HECTD2: variants seen among roughly 807,000 people sequenced by gnomAD.
HECTD2 encodes probable E3 ubiquitin-protein ligase HECTD2.
In HECTD2, 35 loss-of-function variants were observed where a neutral mutation model predicts 103.2. That is an observed-to-expected ratio of 0.34 (90% CI 0.26 to 0.45). HECTD2 has a LOEUF of 0.45. HECTD2 is among the 20% of genes least tolerant of loss of function. HECTD2 has a pLI of 1.00. For missense variants in HECTD2, 596 were observed against 937.4 expected (o/e 0.64, Z 4.76); for synonymous variants, 281 against 329.9 (o/e 0.85, Z 1.61).
Position 91,410,527 on chromosome 10 carries a change from A to G in HECTD2, c.89A>G (p.Glu30Gly). 6.8e-7 allele frequency: 1 copy of G among 1,472,548 alleles called. No individual in the cohort carries two copies. Among genetic ancestry groups the G allele is most frequent in the Non-Finnish European group, 9.0e-7 (1 of 1,115,076 alleles). The allele number at this position is 1,472,548 out of a possible 1,614,324, so 91.2% of individuals were successfully genotyped here. The stretch of plus-strand genomic sequence containing the variant: ...GAGGAGAGGAAAGGGAAGGAGTCAG[A>G]GCGCGAGAAGCTGCCGCCCATCGTA... ...APEERKGKESEREKLPPIVSA... is the reference protein window; with the variant it reads ...APEERKGKESGREKLPPIVSA... The change falls in exon 1 of 21, where the codon GAG becomes GGG. Residue 30 changes from glutamate (E) to glycine (G), a missense_variant. Around this residue, in one of 4 missense-constraint regions of HECTD2, gnomAD observed 220 missense variants for 233.9 expected, o/e 0.94. Coordinates refer to ENST00000298068, the MANE Select transcript of HECTD2 (RefSeq NM_182765.6).
At chr10:91,510,795 G>A (rs1847392069) in intron 20 of HECTD2, among the ~76,000 whole-genome samples, 1 of 152,056 alleles carries the variant, frequency 6.6e-6, no homozygotes, top group South Asian at 2.1e-4. Flanking sequence ...TGTATGTCTG[G>A]TGCGTAAAAA....
intron 14 of HECTD2, among the ~76,000 whole-genome samples, chr10:91,495,305 G>A (rs1464087325): frequency 6.6e-6 from 1 of 151,994 alleles, no homozygotes; most frequent in Non-Finnish European, 1.5e-5. Context: ...GACCAAAGAT[G>A]TGTTGTTCTA....
intron 20 of HECTD2, among the ~76,000 whole-genome samples, chr10:91,511,285 ATAG>A (rs1251961497): frequency 6.6e-6 from 1 of 152,176 alleles, no homozygotes; most frequent in Admixed American, 6.5e-5. Flanking sequence ...ACACTATCAG[ATAG>A]TAGGTGGGGG....
At chr10:91,496,998 C>T (rs1846692551) in intron 15 of HECTD2, among the ~76,000 whole-genome samples, 1 of 150,080 alleles carries the variant, frequency 6.7e-6, no homozygotes, top group Non-Finnish European at 1.5e-5. Context: ...CTCACTCTGT[C>T]ACCCAGGCTG....
chr10:91,503,392 G>C (rs1369695816), intron 20 of HECTD2, among the ~76,000 whole-genome samples: 1 of 152,206 alleles, frequency 6.6e-6, no homozygotes, highest in Non-Finnish European at 1.5e-5. Context: ...GGGAGTGCCA[G>C]ACAGTGGGCG....
intron 3 of HECTD2, 78 bp from the exon 4 acceptor site, chr10:91,461,176 G>A: frequency 1.6e-6 from 1 of 638,318 alleles, no homozygotes; most frequent in Non-Finnish European, 2.7e-6. Context: ...TTGCATGTTT[G>A]GTGACATTAA....
Position 91,512,472 on chromosome 10 carries a change from A to G in HECTD2, c.*88A>G, listed in dbSNP as rs1171998171. ...AGCCTTTTCATGTTTCTGTCTCAAA[A>G]CACTTTGACAAAGCTCACCAACTTT... On this transcript the variant is annotated 3_prime_UTR_variant, in exon 21 of 21. Coordinates refer to ENST00000298068, the MANE Select transcript of HECTD2 (RefSeq NM_182765.6). 2.5e-6 allele frequency: 3 copies of G among 1,202,968 alleles called. No individual in the cohort carries two copies. The highest frequency in any genetic ancestry group is 3.5e-6 in the Non-Finnish European group (3 of 862,158). The allele number at this position is 1,202,968 out of a possible 1,614,324, so 74.5% of individuals were successfully genotyped here. A position where few individuals can be genotyped will look rare whatever the true frequency, so the allele number is the denominator to read the frequency against.
intron 5 of HECTD2, among the ~76,000 whole-genome samples, chr10:91,466,212 AGTT>A (rs1172908084): frequency 6.6e-6 from 1 of 152,124 alleles, no homozygotes; most frequent in Non-Finnish European, 1.5e-5. Context: ...GTGAGCATAG[AGTT>A]GTTCATAATA....
chr10:91,456,866 A>G (rs1344363472), intron 2 of HECTD2, among the ~76,000 whole-genome samples: 1 of 152,138 alleles, frequency 6.6e-6, no homozygotes, highest in Non-Finnish European at 1.5e-5. Context: ...AGTGAAACTG[A>G]AAACAGAAAA....
intron 15 of HECTD2, among the ~76,000 whole-genome samples, 162 bp downstream of exon 15, chr10:91,496,534 C>T (rs1274511092): frequency 6.6e-6 from 1 of 152,256 alleles, no homozygotes; most frequent in Non-Finnish European, 1.5e-5. Flanking sequence ...TCCTTAGAGA[C>T]ACATGTCACC....
intron 1 of HECTD2, among the ~76,000 whole-genome samples, chr10:91,411,708 C>G (rs1842922333): frequency 6.6e-6 from 1 of 152,136 alleles, no homozygotes; most frequent in Non-Finnish European, 1.5e-5. Context: ...AAATTGCGAA[C>G]AGTAATGATA....
intron 8 of HECTD2, 53 bp downstream of exon 8, chr10:91,483,129 G>T (rs1846152861): frequency 2.8e-6 from 2 of 723,498 alleles, no homozygotes; most frequent in East Asian, 2.7e-5. Context: ...TTTTAAGTTT[G>T]GTATTAGTAA....
At chr10:91,508,527 T>C (rs1847285652) in intron 20 of HECTD2, among the ~76,000 whole-genome samples, 1 of 151,022 alleles carries the variant, frequency 6.6e-6, no homozygotes, top group Non-Finnish European at 1.5e-5. Context: ...GAAAAAATGC[T>C]CACCATCACT....
intron 2 of HECTD2, among the ~76,000 whole-genome samples, chr10:91,453,994 A>C (rs980837263): frequency 2.0e-5 from 3 of 152,154 alleles, no homozygotes; most frequent in African/African-American, 7.2e-5. Flanking sequence ...AGTCATCACA[A>C]GTGTGTACGC....
intron 20 of HECTD2, among the ~76,000 whole-genome samples, chr10:91,509,181 G>A (rs867375255): frequency 2.7e-4 from 41 of 150,672 alleles, no homozygotes; most frequent in African/African-American, 9.0e-4. Context: ...GCTAGATGAC[G>A]GGTTAGTGGG....
intron 5 of HECTD2, among the ~76,000 whole-genome samples, chr10:91,473,436 T>C (rs895650420): frequency 6.6e-6 from 1 of 152,198 alleles, no homozygotes; most frequent in Non-Finnish European, 1.5e-5. Flanking sequence ...AACAGACGTA[T>C]ACTTAAACTT....
At chr10:91,482,802 G>A (rs760782622) in intron 7 of HECTD2, among the ~76,000 whole-genome samples, 165 bp from the exon 8 acceptor site, 4 of 151,904 alleles carry the variant, frequency 2.6e-5, no homozygotes, top group African/African-American at 7.2e-5. Flanking sequence ...CTGTATAGCC[G>A]CAGTGTAAAT....
At chr10:91,459,333 A>G (rs539855656) in intron 2 of HECTD2, among the ~76,000 whole-genome samples, 1 of 152,062 alleles carries the variant, frequency 6.6e-6, no homozygotes, top group Non-Finnish European at 1.5e-5. Flanking sequence ...CAACTGCCGT[A>G]TATTTACCTC....
rs1388099385 is a variant in HECTD2, at chr10:91,425,357, C to G, written c.215C>G (p.Ala72Gly). Reference sequence around the variant, plus strand: ...TCAGCTGTTAGCCCGAAGAAAGAAGCTGCTGAAAACAGAAGTTCACCTGCA... The same window carrying G: ...TCAGCTGTTAGCCCGAAGAAAGAAGGTGCTGAAAACAGAAGTTCACCTGCA... The part of the protein sequence containing the change: ...FISAVSPKKE[A>G]AENRSSPAHL... Residue 72 changes from alanine to glycine, a missense_variant, in exon 2 of 21, where the codon GCT becomes GGT. Transcript: ENST00000298068. The G allele has an allele frequency of 6.4e-7, 1 of 1,567,852 alleles. No homozygotes were observed. The highest frequency in any genetic ancestry group is 8.7e-7 in the Non-Finnish European group (1 of 1,152,300).
Sources: allele counts gnomAD v4.1 joint callset (sites outside exome capture counted in the v4.1 genomes callset), GRCh38; gene constraint gnomAD v4.1.1; regional missense constraint gnomAD v4.1.1; transcripts MANE v1.5; gene names NCBI Gene and HGNC (gene_info 2026-07-23, HGNC 2026-07-21).